Variants in PHKB observed in about 807,000 individuals in gnomAD.
The protein encoded by PHKB is phosphorylase b kinase regulatory subunit beta.
PHKB carries 122 observed loss-of-function variants against 152.1 expected under a neutral mutation model. That is an observed-to-expected ratio of 0.80 (90% confidence interval 0.69 to 0.93). The LOEUF is 0.93. PHKB is among the 40% of genes least tolerant of loss of function. The pLI, the probability that PHKB is intolerant of heterozygous loss-of-function variation, is 0.00. For synonymous variants in PHKB, 436 were observed against 464.9 expected (o/e 0.94, Z 0.80); for missense variants, 1,304 against 1,328.4 (o/e 0.98, Z 0.29).
chr16:47,509,707 G>C (rs1027256896), intron 4 of PHKB, among the ~76,000 whole-genome samples: 3 of 152,124 alleles, frequency 2.0e-5, no homozygotes, highest in Non-Finnish European at 4.4e-5. Flanking sequence ...GCTTCTAGAA[G>C]CTTACAAGAT....
intron 7 of PHKB, among the ~76,000 whole-genome samples, chr16:47,575,469 G>A (rs1375469905): frequency 2.6e-5 from 4 of 152,150 alleles, no homozygotes; most frequent in Non-Finnish European, 5.9e-5. Flanking sequence ...ATCAACAGAT[G>A]ATTGGATAAA....
chr16:47,604,424 T>TACAC (rs370668631), intron 13 of PHKB, among the ~76,000 whole-genome samples: 5 of 151,324 alleles, frequency 3.3e-5, no homozygotes, highest in South Asian at 2.1e-4. Flanking sequence ...CTAAAATGCA[T>TACAC]ACACACACAC....
chr16:47,552,226 A>G (rs1434704836), intron 7 of PHKB, among the ~76,000 whole-genome samples: 1 of 152,140 alleles, frequency 6.6e-6, no homozygotes, highest in Non-Finnish European at 1.5e-5. Context: ...TAAGGTTAAT[A>G]TTGGTATTTC....
chr16:47,658,809 AGTGTGTGT>A lies in PHKB; in HGVS notation c.1972-1662_1972-1655del, dbSNP rs36066227. On this transcript the variant is annotated intron_variant, in intron 20 of 30. Transcript: ENST00000323584. The stretch of plus-strand genomic sequence containing the variant: ...TCTTGGTCATTAAGCAATGCATGAC[AGTGTGTGT>A]GTGTGTGTGTGTGTGTGTGTGTGTG... Among the ~76,000 whole-genome samples the A allele has an allele frequency of 2.2e-3, 303 of 140,826 alleles. 4 individuals are homozygous for A. Among genetic ancestry groups the A allele is most frequent in the African/African-American group, 7.1e-3 (271 of 37,972 alleles). 92.4% of individuals were successfully genotyped at this position (140,826 alleles called of 152,430 possible).
rs190187929 is a variant in PHKB, at chr16:47,690,411, A to T, written c.2765+1236A>T. Among the ~76,000 whole-genome samples, 128 of 152,320 alleles carry T rather than the reference A, an allele frequency of 8.4e-4. 1 individual carries two copies. The highest frequency in any genetic ancestry group is 2.9e-3 in the African/African-American group (122 of 41,594). On this transcript the variant is annotated intron_variant, in intron 27 of 30. Coordinates refer to ENST00000323584, the MANE Select transcript of PHKB (RefSeq NM_000293.3). Reference sequence around the variant, plus strand: ...CAAAAGAAAAAGTTAATAAGACTATATGAAAATTAAAAACAACACTTTGTA... The same window carrying T: ...CAAAAGAAAAAGTTAATAAGACTATTTGAAAATTAAAAACAACACTTTGTA...
At chr16:47,565,240 T>C in intron 7 of PHKB, 1 of 684,414 alleles carries the variant, frequency 1.5e-6, no homozygotes, top group South Asian at 1.4e-5. Flanking sequence ...CTTTCCTATC[T>C]GACTCCGTTC....
At chr16:47,582,423 C>G (rs976106878) in intron 8 of PHKB, among the ~76,000 whole-genome samples, 8 of 152,158 alleles carry the variant, frequency 5.3e-5, no homozygotes, top group African/African-American at 1.7e-4. Flanking sequence ...TCTAAAATCG[C>G]TAAATTACTT....
intron 4 of PHKB, among the ~76,000 whole-genome samples, chr16:47,508,898 T>A (rs1284305046): frequency 6.6e-6 from 1 of 152,202 alleles, no homozygotes; most frequent in Non-Finnish European, 1.5e-5. Flanking sequence ...ATTACTTGTC[T>A]TTTAATGGCT....
At chr16:47,577,199 T>C (rs1192034105) in intron 7 of PHKB, among the ~76,000 whole-genome samples, 1 of 152,160 alleles carries the variant, frequency 6.6e-6, no homozygotes, top group Non-Finnish European at 1.5e-5. Context: ...TATAACTTTT[T>C]AGTGATTGCT....
At chr16:47,630,079 A>T (rs1341849175) in intron 14 of PHKB, among the ~76,000 whole-genome samples, 2 of 152,156 alleles carry the variant, frequency 1.3e-5, no homozygotes, top group Non-Finnish European at 2.9e-5. Flanking sequence ...ATGCTAGATG[A>T]TGAGTTAGTG....
intron 27 of PHKB, among the ~76,000 whole-genome samples, chr16:47,689,798 T>C (rs995389252): frequency 6.6e-6 from 1 of 152,228 alleles, no homozygotes; most frequent in African/African-American, 2.4e-5. Flanking sequence ...CTAGGCCTTT[T>C]ACAAAAGCTG....
In PHKB at chr16:47,567,131, A is replaced by G. The variant is rs1338131833; in HGVS notation, c.711-13164A>G. 2.6e-5 allele frequency among the ~76,000 whole-genome samples: 4 copies of G among 152,144 alleles called. No homozygotes were observed. In the East Asian group the frequency reaches 7.7e-4, roughly 29 times the overall value. Reference sequence around the variant, plus strand: ...TGTTTTTTTCTAAATCTGTGAAAAAATGACCTTAGTATTTTGATAGGAGTT... The same window carrying G: ...TGTTTTTTTCTAAATCTGTGAAAAAGTGACCTTAGTATTTTGATAGGAGTT... On this transcript the variant is annotated intron_variant, in intron 7 of 30. Coordinates refer to ENST00000323584, the MANE Select transcript of PHKB (RefSeq NM_000293.3).
At chr16:47,520,756 T>G (rs1197566968) in intron 6 of PHKB, among the ~76,000 whole-genome samples, 1 of 152,194 alleles carries the variant, frequency 6.6e-6, no homozygotes, top group Non-Finnish European at 1.5e-5. Flanking sequence ...AAAAAAGAAT[T>G]TAGTCTGTAA....
chr16:47,535,635 C>G (rs1429591031), intron 6 of PHKB, among the ~76,000 whole-genome samples: 1 of 152,170 alleles, frequency 6.6e-6, no homozygotes, highest in Admixed American at 6.5e-5. Flanking sequence ...CCCGCTCTAT[C>G]TCTAACTTGT....
intron 7 of PHKB, among the ~76,000 whole-genome samples, chr16:47,568,691 G>T (rs766453880): frequency 2.0e-5 from 3 of 152,046 alleles, no homozygotes; most frequent in Non-Finnish European, 2.9e-5. Flanking sequence ...CGCTGCTTTT[G>T]CTGTATCCCA....
At chr16:47,534,680 G>A (rs751123785) in intron 6 of PHKB, among the ~76,000 whole-genome samples, 1 of 152,194 alleles carries the variant, frequency 6.6e-6, no homozygotes, top group East Asian at 1.9e-4. Context: ...ACTACCAAGG[G>A]AAAGGTGATA....
chr16:47,587,899 G>C lies in PHKB; in HGVS notation c.870+136G>C, dbSNP rs1597105520. The stretch of plus-strand genomic sequence containing the variant: ...GGGATAAGAGGACATGATAGATATT[G>C]CCCCTTACTCCTCTGGCCTGGGGAG... On this transcript the variant is annotated intron_variant, in intron 9 of 30. Transcript: ENST00000323584. 4.1e-6 allele frequency: 3 copies of C among 732,376 alleles called. No individual in the cohort carries two copies. In the East Asian group the frequency reaches 8.3e-5, roughly 20 times the overall value. The allele number at this position is 732,376 out of a possible 1,614,324, so 45.4% of individuals were successfully genotyped here.
intron 20 of PHKB, among the ~76,000 whole-genome samples, chr16:47,658,820 G>GTGTA (rs1358088440): frequency 1.3e-5 from 2 of 151,026 alleles, no homozygotes; most frequent in Non-Finnish European, 3.0e-5. Context: ...GTGTGTGTGT[G>GTGTA]TGTGTGTGTG....
intron 13 of PHKB, among the ~76,000 whole-genome samples, chr16:47,609,696 A>G (rs778979294): frequency 6.6e-6 from 1 of 151,936 alleles, no homozygotes. Flanking sequence ...CATCTAGGTT[A>G]TCTAATTTGA....
Sources: allele counts gnomAD v4.1 joint callset (sites outside exome capture counted in the v4.1 genomes callset), GRCh38; gene constraint gnomAD v4.1.1; transcripts MANE v1.5; gene names NCBI Gene and HGNC (gene_info 2026-07-23, HGNC 2026-07-21).